The following MACROD2 variants were observed in gnomAD, a reference collection of about 807,000 sequenced individuals.
MACROD2 encodes the protein ADP-ribose glycohydrolase MACROD2.
In MACROD2, 36 loss-of-function variants were observed where a neutral mutation model predicts 70.4. That is an observed-to-expected ratio of 0.51 (90% CI 0.39 to 0.68). MACROD2 has a LOEUF of 0.68. Ranked by LOEUF, MACROD2 falls within the 30% of genes least tolerant of loss-of-function variation. MACROD2 has a pLI of 0.00. For synonymous variants in MACROD2, 172 were observed against 178.8 expected (o/e 0.96, Z 0.30); for missense variants, 496 against 538.4 (o/e 0.92, Z 0.78).
At chr20:15,777,558 CTT>C in intron 8 of MACROD2, among the ~76,000 whole-genome samples, 1 of 52,710 alleles carries the variant, frequency 1.9e-5, no homozygotes, top group Non-Finnish European at 5.2e-5. Flanking sequence ...TCCTTCCTTC[CTT>C]CCTTCCTTCC....
chr20:15,100,434 A>G (rs146984497), intron 5 of MACROD2, among the ~76,000 whole-genome samples: 375 of 152,324 alleles, frequency 2.5e-3, no homozygotes, highest in African/African-American at 7.0e-3. Flanking sequence ...AGGGGGACCC[A>G]AAACTTTATC....
intron 5 of MACROD2, among the ~76,000 whole-genome samples, chr20:15,001,078 C>A (rs998133444): frequency 2.0e-5 from 3 of 152,116 alleles, no homozygotes; most frequent in Non-Finnish European, 4.4e-5. Flanking sequence ...TCCTCTGTAC[C>A]TATGATCTCA....
intron 5 of MACROD2, among the ~76,000 whole-genome samples, chr20:14,961,443 G>C (rs1403857762): frequency 6.6e-6 from 1 of 152,120 alleles, no homozygotes; most frequent in Non-Finnish European, 1.5e-5. Flanking sequence ...ATACCACGCT[G>C]TTCCTCAAAT....
intron 3 of MACROD2, among the ~76,000 whole-genome samples, chr20:14,303,250 T>C (rs2122494287): frequency 6.6e-6 from 1 of 152,300 alleles, no homozygotes; most frequent in East Asian, 1.9e-4. Flanking sequence ...TTATAGGAAA[T>C]GCACAAGGCC....
chr20:14,169,884 A>C (rs964661068), intron 3 of MACROD2, among the ~76,000 whole-genome samples: 1 of 151,826 alleles, frequency 6.6e-6, no homozygotes, highest in Non-Finnish European at 1.5e-5. Context: ...GGTTCTTAAG[A>C]ACCTCTGTTA....
At chr20:15,121,884 G>A (rs1193207582) in intron 5 of MACROD2, among the ~76,000 whole-genome samples, 1 of 152,092 alleles carries the variant, frequency 6.6e-6, no homozygotes, top group Admixed American at 6.6e-5. Context: ...TTAGGATGTT[G>A]CTACATCAGG....
intron 6 of MACROD2, among the ~76,000 whole-genome samples, chr20:15,251,813 G>C (rs1034325028): frequency 3.9e-5 from 6 of 152,036 alleles, no homozygotes; most frequent in African/African-American, 4.8e-5. Flanking sequence ...AAAGTTCCGG[G>C]TAACAACCTA....
chr20:14,501,763 C>T (rs942143585), intron 4 of MACROD2, among the ~76,000 whole-genome samples: 2 of 152,124 alleles, frequency 1.3e-5, no homozygotes, highest in African/African-American at 4.8e-5. Context: ...TGGAAGCCCT[C>T]TTTTCAGATG....
intron 8 of MACROD2, among the ~76,000 whole-genome samples, chr20:15,717,249 A>T (rs954149843): frequency 1.3e-5 from 2 of 152,242 alleles, no homozygotes; most frequent in African/African-American, 4.8e-5. Flanking sequence ...AAATGAAAAC[A>T]TAGGCTAAGG....
intron 8 of MACROD2, among the ~76,000 whole-genome samples, chr20:15,777,877 C>T (rs1041791126): frequency 6.6e-5 from 10 of 152,234 alleles, no homozygotes; most frequent in Middle Eastern, 6.8e-3. Context: ...TTTTGAACTC[C>T]TGGTCTTGAG....
chr20:15,122,553 T>A (rs114302173), intron 5 of MACROD2, among the ~76,000 whole-genome samples: 1,879 of 152,324 alleles, frequency 0.012, 48 homozygotes, highest in African/African-American at 0.043. Context: ...TAGAAATAAC[T>A]GTTTTGTTTT....
intron 3 of MACROD2, among the ~76,000 whole-genome samples, chr20:14,437,899 C>A (rs2122949063): frequency 6.6e-6 from 1 of 152,160 alleles, no homozygotes; most frequent in East Asian, 1.9e-4. Flanking sequence ...TATAGTGGAA[C>A]AAATTAACAT....
rs533240021 is a variant in MACROD2, at chr20:14,916,835, A to G, written c.418+231876A>G. Among the ~76,000 whole-genome samples, 11 of 152,256 alleles carry G rather than the reference A, an allele frequency of 7.2e-5. No individual in the cohort carries two copies. In the South Asian group the frequency reaches 2.1e-3, roughly 29 times the overall value. On this transcript the variant is annotated intron_variant, in intron 5 of 17. Transcript: ENST00000684519. ...CTCTAGTTAAATTCCAGATGTAGGC[A>G]CATGGCCATACTGAACCTCAGCGGA...
intron 5 of MACROD2, among the ~76,000 whole-genome samples, chr20:14,808,770 A>G (rs1386630194): frequency 6.6e-6 from 1 of 152,002 alleles, no homozygotes; most frequent in Non-Finnish European, 1.5e-5. Context: ...GAAAAAAAAA[A>G]AAGCAGGGGT....
intron 5 of MACROD2, among the ~76,000 whole-genome samples, chr20:15,174,333 C>G (rs866233789): frequency 1.3e-5 from 2 of 152,154 alleles, no homozygotes; most frequent in Non-Finnish European, 2.9e-5. Flanking sequence ...TAATCCAGCA[C>G]ATATTTTTTA....
At position 15,661,464 on chromosome 20, in the gene MACROD2, A is replaced by G. The variant is rs140714586; in HGVS notation, c.645+161617A>G. On this transcript the variant is annotated intron_variant, in intron 8 of 17. Coordinates refer to ENST00000684519, the MANE Select transcript of MACROD2 (RefSeq NM_001351661.2). ...CAACAACCCACTCTCAAGGGAATGA[A>G]TTCATTACCACCAAAACTCATCCAA... Among the ~76,000 whole-genome samples the G allele has an allele frequency of 3.5e-3, 532 of 152,266 alleles. 3 individuals carry two copies. Among genetic ancestry groups the G allele is most frequent in the Middle Eastern group, 0.024 (7 of 294 alleles).
chr20:14,399,595 G>T (rs2083616380), intron 3 of MACROD2, among the ~76,000 whole-genome samples: 1 of 152,006 alleles, frequency 6.6e-6, no homozygotes, highest in Non-Finnish European at 1.5e-5. Context: ...TGGTTCTGTG[G>T]ATCCATAGTT....
intron 5 of MACROD2, among the ~76,000 whole-genome samples, chr20:15,121,447 A>G (rs2076029511): frequency 6.8e-6 from 1 of 146,126 alleles, no homozygotes; most frequent in South Asian, 2.2e-4. Context: ...CAGGAGGCAG[A>G]GGTTGCAGTG....
At chr20:14,152,492 T>C (rs984310099) in intron 3 of MACROD2, among the ~76,000 whole-genome samples, 1 of 151,198 alleles carries the variant, frequency 6.6e-6, no homozygotes, top group Non-Finnish European at 1.5e-5. Flanking sequence ...AGTGGCATGA[T>C]CTCAGCTCAC....
Sources: allele counts gnomAD v4.1 joint callset (sites outside exome capture counted in the v4.1 genomes callset), GRCh38; gene constraint gnomAD v4.1.1; transcripts MANE v1.5; gene names NCBI Gene and HGNC (gene_info 2026-07-23, HGNC 2026-07-21).